Variants in NCAM2 observed in about 807,000 individuals in gnomAD.
NCAM2 encodes the protein neural cell adhesion molecule 2.
A neutral mutation model predicts 98.1 loss-of-function variants in NCAM2; 30 were observed. The observed-to-expected ratio is 0.31, with a 90% CI of 0.23 to 0.41. The LOEUF (loss-of-function observed/expected upper bound fraction) is 0.41. NCAM2 is among the 10% of genes least tolerant of loss of function. The pLI is 1.00. For synonymous variants in NCAM2, 368 were observed against 342.4 expected, an observed-to-expected ratio of 1.07 and a Z score of -0.83; for missense variants, 867 against 1,005.8, an observed-to-expected ratio of 0.86 and a Z score of 1.87.
chr21:21,440,387 T>C (rs1202984285), intron 12 of NCAM2, among the ~76,000 whole-genome samples: 5 of 152,064 alleles, frequency 3.3e-5, no homozygotes, highest in Admixed American at 6.6e-5. Flanking sequence ...TTATCTCATA[T>C]TGAAAATAAA....
intron 11 of NCAM2, among the ~76,000 whole-genome samples, chr21:21,420,820 G>T (rs2077095757): frequency 6.6e-6 from 1 of 151,802 alleles, no homozygotes; most frequent in South Asian, 2.1e-4. Flanking sequence ...AGTGAGTTTA[G>T]AAATGTGAAG....
intron 1 of NCAM2, among the ~76,000 whole-genome samples, chr21:21,181,765 C>T (rs555333895): frequency 6.6e-6 from 1 of 152,224 alleles, no homozygotes; most frequent in South Asian, 2.1e-4. Flanking sequence ...TGTTTCTTAT[C>T]CTCTTCCTTC....
chr21:21,352,653 G>T (rs999971030), intron 8 of NCAM2, among the ~76,000 whole-genome samples: 1 of 151,108 alleles, frequency 6.6e-6, no homozygotes, highest in East Asian at 2.0e-4. Context: ...CCTGAAAAAG[G>T]GTTCTGAAGA....
chr21:21,391,091 G>C (rs1452368305), intron 9 of NCAM2, among the ~76,000 whole-genome samples: 3 of 152,170 alleles, frequency 2.0e-5, no homozygotes, highest in African/African-American at 7.2e-5. Context: ...GGTAGTGCAT[G>C]CATGTAATCA....
chr21:21,491,009 A>G (rs1212194941), intron 15 of NCAM2, among the ~76,000 whole-genome samples: 1 of 151,878 alleles, frequency 6.6e-6, no homozygotes. Flanking sequence ...TATTACTGGT[A>G]CAGCCTTTTT....
In NCAM2 at chr21:21,243,632, T is replaced by G. The variant is rs149310883; in HGVS notation, c.56-36946T>G. Among the ~76,000 whole-genome samples, 6 of 152,310 alleles carry G rather than the reference T, an allele frequency of 3.9e-5. No homozygotes were observed. The East Asian group carries it at 1.2e-3, about 30-fold the overall frequency. ...CCATGGTGGCATGCCCACCATCACA[T>G]GACTATCTAGCTTAAGAAACCTGAG... On this transcript the variant is annotated intron_variant, in intron 1 of 17. Coordinates refer to ENST00000400546, the MANE Select transcript of NCAM2 (RefSeq NM_004540.5).
chr21:21,129,244 T>G (rs562033772), intron 1 of NCAM2, among the ~76,000 whole-genome samples: 3 of 152,290 alleles, frequency 2.0e-5, no homozygotes, highest in East Asian at 1.9e-4. Flanking sequence ...TCTTTTACTT[T>G]TAAAAATGTA....
At chr21:21,403,568 C>T (rs1459129807) in intron 9 of NCAM2, among the ~76,000 whole-genome samples, 1 of 152,088 alleles carries the variant, frequency 6.6e-6, no homozygotes, top group Non-Finnish European at 1.5e-5. Flanking sequence ...CCAGCATCTG[C>T]TAAATGGCTT....
intron 12 of NCAM2, among the ~76,000 whole-genome samples, chr21:21,464,107 A>C (rs941756239): frequency 6.6e-6 from 1 of 152,114 alleles, no homozygotes; most frequent in South Asian, 2.1e-4. Context: ...TGTATTAAGA[A>C]ATACAATTGA....
intron 1 of NCAM2, among the ~76,000 whole-genome samples, chr21:21,137,403 C>T (rs1285574390): frequency 6.6e-6 from 1 of 152,116 alleles, no homozygotes; most frequent in African/African-American, 2.4e-5. Context: ...AAACATGTTC[C>T]TATAAAGTAT....
At chr21:21,181,718 T>C (rs1356726231) in intron 1 of NCAM2, among the ~76,000 whole-genome samples, 1 of 152,120 alleles carries the variant, frequency 6.6e-6, no homozygotes, top group East Asian at 1.9e-4. Flanking sequence ...TTTTCTGAAA[T>C]GTTTTCTTCT....
At chr21:21,426,127 CTT>C (rs1009504331) in intron 11 of NCAM2, among the ~76,000 whole-genome samples, 2 of 152,078 alleles carry the variant, frequency 1.3e-5, no homozygotes, top group Middle Eastern at 3.2e-3. Context: ...TGTCTCATGA[CTT>C]TATCACATCC....
At chr21:21,373,583 T>C (rs1162481648) in intron 8 of NCAM2, among the ~76,000 whole-genome samples, 1 of 151,786 alleles carries the variant, frequency 6.6e-6, no homozygotes, top group African/African-American at 2.4e-5. Context: ...TCTTTAAACA[T>C]CAGGCTGAGT....
intron 9 of NCAM2, among the ~76,000 whole-genome samples, chr21:21,376,461 G>A (rs1019629021): frequency 4.6e-5 from 7 of 151,760 alleles, no homozygotes; most frequent in Middle Eastern, 3.4e-3. Context: ...AAATTAAACC[G>A]CAGCATGTAT....
At chr21:21,061,084 T>C (rs555283824) in intron 1 of NCAM2, among the ~76,000 whole-genome samples, 8 of 152,294 alleles carry the variant, frequency 5.3e-5, no homozygotes, top group African/African-American at 1.9e-4. Flanking sequence ...TGTGAAAATA[T>C]GTGACGTTTC....
intron 1 of NCAM2, among the ~76,000 whole-genome samples, chr21:21,242,011 T>A (rs985318975): frequency 6.6e-6 from 1 of 152,110 alleles, no homozygotes; most frequent in Non-Finnish European, 1.5e-5. Context: ...AATAAGAATG[T>A]GGAAAGTAAA....
chr21:21,478,762 A>G (rs1306630818), intron 15 of NCAM2, among the ~76,000 whole-genome samples: 1 of 152,102 alleles, frequency 6.6e-6, no homozygotes, highest in Non-Finnish European at 1.5e-5. Context: ...ATGTCATTTT[A>G]TTCTTAAATC....
rs368800697 is a variant in NCAM2 at position 21,220,447 on chromosome 21, C to T, written c.56-60131C>T. Among the ~76,000 whole-genome samples the T allele has an allele frequency of 9.9e-5, 15 of 152,182 alleles. 1 individual carries two copies. Among genetic ancestry groups the T allele is most frequent in the East Asian group, 7.7e-4 (4 of 5,172 alleles). On this transcript the variant is annotated intron_variant, in intron 1 of 17. Coordinates refer to ENST00000400546, the MANE Select transcript of NCAM2 (RefSeq NM_004540.5). ...TGTAGTCTAGGGGAAATAGGCTATA[C>T]CACACAGCCTAGGTTTGTAGTACAC...
chr21:21,333,778 CAAAT>C (rs1032976334), intron 6 of NCAM2, among the ~76,000 whole-genome samples: 10 of 151,720 alleles, frequency 6.6e-5, no homozygotes, highest in East Asian at 1.9e-4. Flanking sequence ...TATTAGGAAA[CAAAT>C]GAATAATTTT....
Sources: gnomAD v4.1 joint callset for allele counts (sites outside exome capture counted in the v4.1 genomes callset) on GRCh38, gnomAD v4.1.1 for gene constraint, MANE v1.5 for transcripts, NCBI Gene and HGNC (gene_info 2026-07-23, HGNC 2026-07-21) for gene names.